Variants in PTK2B observed in about 807,000 individuals in gnomAD.
The protein encoded by PTK2B is protein tyrosine kinase 2 beta.
PTK2B carries 71 observed loss-of-function variants against 142.9 expected under a neutral mutation model. That is an observed-to-expected ratio of 0.50 (90% confidence interval 0.41 to 0.61). The LOEUF is 0.61. Among genes scored for constraint, PTK2B ranks in the 20% least tolerant of loss-of-function variants. The pLI is 0.00. For synonymous variants in PTK2B, 519 were observed against 503.4 expected, an observed-to-expected ratio of 1.03 and a Z score of -0.42; for missense variants, 1,105 against 1,320.4, an observed-to-expected ratio of 0.84 and a Z score of 2.53.
intron 11 of PTK2B, 79 bp downstream of exon 11, chr8:27,433,631 C>CT: frequency 8.4e-7 from 1 of 1,197,384 alleles, no homozygotes; most frequent in Non-Finnish European, 1.2e-6. Context: ...GTGGCAGAAG[C>CT]TAAGCCACTG....
At chr8:27,368,477 T>C (rs144629742) in intron 1 of PTK2B, among the ~76,000 whole-genome samples, 1 of 152,248 alleles carries the variant, frequency 6.6e-6, no homozygotes, top group Non-Finnish European at 1.5e-5. Flanking sequence ...CCCCAGCTGT[T>C]CCCCTTGTGG....
At chr8:27,398,707 G>T (rs1435792811) in intron 2 of PTK2B, among the ~76,000 whole-genome samples, 1 of 152,226 alleles carries the variant, frequency 6.6e-6, no homozygotes, top group Non-Finnish European at 1.5e-5. Context: ...AATCAGGTCT[G>T]AGGACATGGG....
At chr8:27,377,806 G>A (rs1806764437) in intron 1 of PTK2B, among the ~76,000 whole-genome samples, 1 of 152,180 alleles carries the variant, frequency 6.6e-6, no homozygotes, top group South Asian at 2.1e-4. Flanking sequence ...TCCCCCAAGA[G>A]CACAGTTCAC....
At chr8:27,448,290 T>C (rs1253344242) in intron 24 of PTK2B, among the ~76,000 whole-genome samples, 2 of 152,224 alleles carry the variant, frequency 1.3e-5, no homozygotes, top group Non-Finnish European at 2.9e-5. Flanking sequence ...ATAGCCAGAT[T>C]ATGGAAGGTG....
upstream of PTK2B, chr8:27,310,875 A>G (rs776135309): frequency 1.9e-6 from 3 of 1,612,784 alleles, no homozygotes; most frequent in South Asian, 3.3e-5. Flanking sequence ...TGGCAGGAGC[A>G]GCACAGCAGC....
At chr8:27,311,173 G>T (rs1331465362), upstream of PTK2B, 1 of 1,606,988 alleles carries the variant, frequency 6.2e-7, no homozygotes, top group Non-Finnish European at 8.5e-7. Context: ...AGCAGACGGC[G>T]CAGAGCAACT....
At chr8:27,435,615 A>C in intron 13 of PTK2B, 128 bp from the exon 14 acceptor site, 1 of 1,129,162 alleles carries the variant, frequency 8.9e-7, no homozygotes, top group Non-Finnish European at 1.3e-6. Flanking sequence ...GGAGCCCGGG[A>C]CATGCCTGGC....
rs1811433297 is a variant in PTK2B, at chr8:27,445,790, A to G, written c.2215-4A>G. 6.2e-7 allele frequency: 1 copy of G among 1,613,506 alleles called. No homozygotes were observed. Among genetic ancestry groups the G allele is most frequent in the South Asian group, 1.1e-5 (1 of 91,078 alleles). ...CCTTGTGCTTCTTTGCTTTTCCTGA[A>G]TAGGTTCCTGAGGGTCTGTGTGCCA... is the stretch of plus-strand genomic sequence containing the variant. On this transcript the variant is annotated splice_region_variant and splice_polypyrimidine_tract_variant and intron_variant, in intron 23 of 30. Transcript: ENST00000346049.
intron 2 of PTK2B, among the ~76,000 whole-genome samples, chr8:27,398,310 C>T (rs541392677): frequency 3.3e-5 from 5 of 152,184 alleles, no homozygotes; most frequent in Non-Finnish European, 5.9e-5. Context: ...CCTGGCAACA[C>T]GTCCTTTTGC....
chr8:27,407,144 G>A (rs1808766914), intron 2 of PTK2B, among the ~76,000 whole-genome samples: 1 of 152,102 alleles, frequency 6.6e-6, no homozygotes, highest in Non-Finnish European at 1.5e-5. Flanking sequence ...GCTCAATATA[G>A]TGAGCGGAAA....
intron 1 of PTK2B, among the ~76,000 whole-genome samples, chr8:27,329,817 G>T (rs868839205): frequency 2.0e-5 from 3 of 152,106 alleles, no homozygotes; most frequent in Admixed American, 6.6e-5. Context: ...GCCCAGGTTT[G>T]GTACCCCCTG....
At chr8:27,329,490 G>A (rs1336852695) in intron 1 of PTK2B, among the ~76,000 whole-genome samples, 5 of 152,132 alleles carry the variant, frequency 3.3e-5, no homozygotes, top group African/African-American at 1.2e-4. Flanking sequence ...CTGCATGGTA[G>A]GTCACTCAGT....
intron 10 of PTK2B, among the ~76,000 whole-genome samples, chr8:27,432,914 C>T (rs1000618631): frequency 1.3e-5 from 2 of 152,122 alleles, no homozygotes; most frequent in Non-Finnish European, 2.9e-5. Flanking sequence ...GTAACCTCCA[C>T]CTCCACAGTT....
At chr8:27,315,440 A>G (rs777624723) in intron 3 of PTK2B, among the ~76,000 whole-genome samples, 34 of 152,296 alleles carry the variant, frequency 2.2e-4, no homozygotes, top group Admixed American at 5.9e-4. Flanking sequence ...CAAAAAAGCC[A>G]CAAGATGGGG....
At chr8:27,457,888 T>G (rs1432671939) in intron 30 of PTK2B, among the ~76,000 whole-genome samples, 2 of 149,910 alleles carry the variant, frequency 1.3e-5, no homozygotes, top group East Asian at 3.9e-4. Flanking sequence ...GGCAGAAGAA[T>G]TGTTTGAACC....
At chr8:27,356,108 C>T (rs956928859) in intron 1 of PTK2B, among the ~76,000 whole-genome samples, 2 of 152,024 alleles carry the variant, frequency 1.3e-5, no homozygotes, top group African/African-American at 4.8e-5. Flanking sequence ...GTGGCTCTAT[C>T]TCTATTATAA....
intron 1 of PTK2B, among the ~76,000 whole-genome samples, chr8:27,349,243 T>C (rs1371265937): frequency 2.0e-5 from 3 of 152,228 alleles, no homozygotes; most frequent in African/African-American, 4.8e-5. Flanking sequence ...GATCCCTTTT[T>C]CTGTTTGTTT....
intron 1 of PTK2B, among the ~76,000 whole-genome samples, chr8:27,375,665 G>C (rs115558459): frequency 2.0e-5 from 3 of 152,116 alleles, no homozygotes; most frequent in Non-Finnish European, 2.9e-5. Flanking sequence ...CAGACCCCAC[G>C]TCTCCTGCCT....
chr8:27,343,038 C>G lies in PTK2B; in HGVS notation c.-38+17357C>G, dbSNP rs928394047. Among the ~76,000 whole-genome samples the G allele has an allele frequency of 2.0e-5, 3 of 152,252 alleles. No individual in the cohort carries two copies. In the East Asian group the frequency reaches 5.8e-4, roughly 29 times the overall value. On this transcript the variant is annotated intron_variant, in intron 1 of 30. Coordinates refer to ENST00000346049, the MANE Select transcript of PTK2B (RefSeq NM_173176.3). ...GCTGATGTGGCCGAGTGCCAGGGTC[C>G]GATGTGCTCATCAACCTTGAAAATA...
Sources: allele counts gnomAD v4.1 joint callset (sites outside exome capture counted in the v4.1 genomes callset), GRCh38; gene constraint gnomAD v4.1.1; transcripts MANE v1.5; gene names NCBI Gene and HGNC (gene_info 2026-07-23, HGNC 2026-07-21).